Variants in SLC24A4 observed in about 807,000 individuals in gnomAD.
SLC24A4 encodes solute carrier family 24 member 4, also known as sodium/potassium/calcium exchanger 4.
In SLC24A4, 53 loss-of-function variants were observed where a neutral mutation model predicts 79.0. The observed-to-expected ratio is 0.67, with a 90% CI of 0.54 to 0.84. The LOEUF (loss-of-function observed/expected upper bound fraction) is 0.84. Among genes scored for constraint, SLC24A4 ranks in the 40% least tolerant of loss-of-function variants. The probability of loss-of-function intolerance (pLI) is 0.00; values close to 1 mark genes in which losing one functional copy is unlikely to be tolerated. For missense variants in SLC24A4, 731 were observed against 822.0 expected (o/e 0.89, Z 1.35); for synonymous variants, 323 against 323.8 (o/e 1.00, Z 0.03).
intron 13 of SLC24A4, 147 bp from the exon 14 acceptor site, chr14:92,486,519 T>C: frequency 1.6e-6 from 1 of 613,928 alleles, no homozygotes; most frequent in Non-Finnish European, 2.9e-6. Context: ...GTTTTTTTTG[T>C]TTTGTTTTGT....
At chr14:92,470,023 C>T (rs1337603806) in intron 12 of SLC24A4, among the ~76,000 whole-genome samples, 1 of 152,154 alleles carries the variant, frequency 6.6e-6, no homozygotes, top group Non-Finnish European at 1.5e-5. Flanking sequence ...TAAAACCTGC[C>T]TGCTTGCACA....
intron 2 of SLC24A4, among the ~76,000 whole-genome samples, chr14:92,351,611 C>T (rs1185714558): frequency 1.3e-5 from 2 of 152,182 alleles, no homozygotes; most frequent in Admixed American, 1.3e-4. Context: ...AATCCCAGAA[C>T]TTCGGGAGGC....
chr14:92,438,891 C>G (rs1378040651), intron 3 of SLC24A4, among the ~76,000 whole-genome samples: 1 of 152,192 alleles, frequency 6.6e-6, no homozygotes. Flanking sequence ...AGTCCCAACC[C>G]GCTCATCCTG....
At position 92,364,340 on chromosome 14, in the gene SLC24A4, G is replaced by A. The variant is rs566949290; in HGVS notation, c.241+38362G>A. Among the ~76,000 whole-genome samples the A allele has an allele frequency of 4.6e-5, 7 of 152,238 alleles. No homozygotes were observed. In the South Asian group the frequency reaches 1.5e-3, roughly 32 times the overall value. On this transcript the variant is annotated intron_variant, in intron 2 of 16. Coordinates refer to ENST00000532405, the MANE Select transcript of SLC24A4 (RefSeq NM_153646.4). ...CCCCATCCTCTCTGCTAGACTCCTG[G>A]GGGCAGAGCAGGGTGGGAAAGACAG...
chr14:92,447,263 G>T (rs966897241), intron 8 of SLC24A4, 108 bp from the exon 9 acceptor site: 2 of 936,640 alleles, frequency 2.1e-6, no homozygotes, highest in Admixed American at 1.9e-5. Context: ...CACTAGGGGC[G>T]GGGGAGGTAA....
At chr14:92,373,152 A>G (rs1595179865) in intron 2 of SLC24A4, among the ~76,000 whole-genome samples, 1 of 149,420 alleles carries the variant, frequency 6.7e-6, no homozygotes, top group Non-Finnish European at 1.5e-5. Flanking sequence ...GGTGCCCACC[A>G]CCATGCCCAG....
intron 2 of SLC24A4, among the ~76,000 whole-genome samples, chr14:92,415,023 C>T (rs935061072): frequency 6.6e-6 from 1 of 152,134 alleles, no homozygotes; most frequent in Non-Finnish European, 1.5e-5. Context: ...TGGGTGTGCA[C>T]CTGCAGATGG....
At chr14:92,419,140 G>A (rs67134452) in intron 2 of SLC24A4, among the ~76,000 whole-genome samples, 24,890 of 152,110 alleles carry the variant, frequency 0.16, 2,298 homozygotes, top group East Asian at 0.24. Flanking sequence ...AGCAACCCCT[G>A]GATTTATGTT....
At chr14:92,327,037 C>T (rs1431002783) in intron 2 of SLC24A4, among the ~76,000 whole-genome samples, 1 of 152,186 alleles carries the variant, frequency 6.6e-6, no homozygotes, top group Admixed American at 6.5e-5. Flanking sequence ...CCCCATTTTA[C>T]AGGTCAGGAA....
intron 2 of SLC24A4, among the ~76,000 whole-genome samples, chr14:92,402,431 G>A (rs374994075): frequency 2.0e-5 from 3 of 152,210 alleles, no homozygotes; most frequent in Admixed American, 1.3e-4. Context: ...CACATACTAT[G>A]ATCAAAACTT....
chr14:92,370,884 G>A (rs72695114), intron 2 of SLC24A4, among the ~76,000 whole-genome samples: 9,032 of 152,220 alleles, frequency 0.059, 309 homozygotes, highest in South Asian at 0.074. Flanking sequence ...GAACCGGAGC[G>A]GCACCAGACT....
At chr14:92,365,939 T>C (rs1887812253) in intron 2 of SLC24A4, among the ~76,000 whole-genome samples, 1 of 152,224 alleles carries the variant, frequency 6.6e-6, no homozygotes, top group Admixed American at 6.5e-5. Context: ...GTACTAAGCA[T>C]CTGCCATATT....
chr14:92,369,738 A>G (rs543368649), intron 2 of SLC24A4, among the ~76,000 whole-genome samples: 2 of 152,270 alleles, frequency 1.3e-5, no homozygotes, highest in South Asian at 4.2e-4. Context: ...TGTCCTGTAC[A>G]TTATAGGATT....
At chr14:92,412,037 C>T (rs1890745308) in intron 2 of SLC24A4, among the ~76,000 whole-genome samples, 1 of 152,184 alleles carries the variant, frequency 6.6e-6, no homozygotes, top group South Asian at 2.1e-4. Flanking sequence ...ATGGCGGGAT[C>T]AGGATCGGCT....
chr14:92,429,027 T>C (rs1381746301), intron 2 of SLC24A4, among the ~76,000 whole-genome samples: 1 of 152,228 alleles, frequency 6.6e-6, no homozygotes, highest in Non-Finnish European at 1.5e-5. Context: ...GGGATGTGTT[T>C]CCACTGGCAG....
intron 2 of SLC24A4, among the ~76,000 whole-genome samples, chr14:92,426,504 G>T (rs1166549380): frequency 6.6e-6 from 1 of 152,126 alleles, no homozygotes; most frequent in East Asian, 1.9e-4. Context: ...GGTTGCTCCT[G>T]GAAAGAACAT....
In SLC24A4 at chr14:92,444,271, GT is replaced by G. The variant is rs570963753; in HGVS notation, c.657+801del. On this transcript the variant is annotated intron_variant, in intron 7 of 16. Coordinates refer to ENST00000532405, the MANE Select transcript of SLC24A4 (RefSeq NM_153646.4). ...AGAATACATATTTCAGTATGTAAAT[GT>G]TTTGGCACGGATATGCCAGGAGATC... 3.3e-5 allele frequency among the ~76,000 whole-genome samples: 5 copies of G among 152,272 alleles called. No individual in the cohort carries two copies. The South Asian group carries it at 1.0e-3, about 32-fold the overall frequency.
chr14:92,481,836 C>T (rs1253935443), intron 12 of SLC24A4, among the ~76,000 whole-genome samples: 1 of 152,212 alleles, frequency 6.6e-6, no homozygotes, highest in Admixed American at 6.5e-5. Flanking sequence ...GAAGTCCTTC[C>T]TCCACCATTT....
chr14:92,333,402 T>C (rs1017823624), intron 2 of SLC24A4, among the ~76,000 whole-genome samples: 1 of 152,178 alleles, frequency 6.6e-6, no homozygotes, highest in African/African-American at 2.4e-5. Context: ...GCCCCACTTC[T>C]GAGATTGAAT....
Sources: allele counts gnomAD v4.1 joint callset (sites outside exome capture counted in the v4.1 genomes callset), GRCh38; gene constraint gnomAD v4.1.1; transcripts MANE v1.5; gene names NCBI Gene and HGNC (gene_info 2026-07-23, HGNC 2026-07-21).